CRYZL1: variants seen among roughly 807,000 people sequenced by gnomAD.
CRYZL1 encodes crystallin zeta like 1, also known as ferry endosomal RAB5 effector complex subunit 4.
A neutral mutation model predicts 50.6 loss-of-function variants in CRYZL1; 34 were observed. The ratio of observed to expected loss-of-function variants is 0.67; its 90% CI spans 0.51 to 0.89. The LOEUF (loss-of-function observed/expected upper bound fraction) is 0.89. Among genes scored for constraint, CRYZL1 ranks in the 40% least tolerant of loss-of-function variants. The pLI, the probability that CRYZL1 is intolerant of heterozygous loss-of-function variation, is 0.00. For missense variants in CRYZL1, 354 were observed against 402.3 expected (o/e 0.88, Z 1.03); for synonymous variants, 125 against 134.3 (o/e 0.93, Z 0.48).
intron 1 of CRYZL1, among the ~76,000 whole-genome samples, chr21:33,635,818 T>A (rs1369788232): frequency 3.3e-5 from 5 of 151,796 alleles, no homozygotes; most frequent in Admixed American, 1.3e-4. Flanking sequence ...CTGTCTCTAC[T>A]AAAAATACAA....
intron 2 of CRYZL1, among the ~76,000 whole-genome samples, chr21:33,629,749 C>CTAGGACTTCTATTATTATGTTGAA: frequency 6.6e-6 from 1 of 152,290 alleles, no homozygotes; most frequent in East Asian, 1.9e-4. Context: ...ATTGCTCTGG[C>CTAGGACTTCTATTATTATGTTGAA]TAGGACTTCT....
At chr21:33,624,341 G>C (rs2087035622) in intron 3 of CRYZL1, among the ~76,000 whole-genome samples, 1 of 152,202 alleles carries the variant, frequency 6.6e-6, no homozygotes, top group African/African-American at 2.4e-5. Flanking sequence ...GAGGTCAGGA[G>C]TTTGAGACCA....
At chr21:33,626,782 T>C (rs2087070257) in intron 2 of CRYZL1, among the ~76,000 whole-genome samples, 1 of 152,080 alleles carries the variant, frequency 6.6e-6, no homozygotes, top group Non-Finnish European at 1.5e-5. Flanking sequence ...CCTATATTAT[T>C]AAATACAGTA....
At chr21:33,603,175 T>C (rs1228678902) in intron 7 of CRYZL1, 1 of 470,808 alleles carries the variant, frequency 2.1e-6, no homozygotes, top group Non-Finnish European at 3.8e-6. Context: ...AAAAATGGCT[T>C]GTCTTTTTAA....
intron 6 of CRYZL1, among the ~76,000 whole-genome samples, chr21:33,603,892 C>T (rs2086782462): frequency 6.6e-6 from 1 of 152,254 alleles, no homozygotes; most frequent in Non-Finnish European, 1.5e-5. Flanking sequence ...TCTCTCCTCA[C>T]CAAAGGTCAC....
chr21:33,597,409 G>A lies in CRYZL1; in HGVS notation c.677-8C>T, dbSNP rs759247431. On this transcript the variant is annotated splice_polypyrimidine_tract_variant and splice_region_variant and intron_variant, in intron 9 of 12. Coordinates refer to ENST00000381554, the MANE Select transcript of CRYZL1 (RefSeq NM_145858.3). ...CTTTACTATATAATCTCACTTGCAA[G>A]GGAATAGTTTTAAAAAAAGAGAGAG... The A allele has an allele frequency of 1.3e-6, 2 of 1,553,170 alleles. No homozygotes were observed. The highest frequency in any genetic ancestry group is 1.8e-6 in the Non-Finnish European group (2 of 1,129,966).
At chr21:33,622,142 G>T in intron 3 of CRYZL1, 74 bp from the exon 4 acceptor site, 1 of 1,165,320 alleles carries the variant, frequency 8.6e-7, no homozygotes, top group Non-Finnish European at 1.3e-6. Flanking sequence ...TGAGGAAAGC[G>T]AGAGTAAAAG....
chr21:33,603,637 T>C (rs2086779893), intron 6 of CRYZL1, 100 bp from the exon 7 acceptor site: 2 of 1,324,588 alleles, frequency 1.5e-6, no homozygotes, highest in South Asian at 2.6e-5. Context: ...ATGGCCCTGG[T>C]CCAAGCCCCT....
chr21:33,605,527 A>ATTTTTTTTTTTTTTTTTT (rs1555904645), intron 6 of CRYZL1, among the ~76,000 whole-genome samples: 7 of 14,840 alleles, frequency 4.7e-4, no homozygotes, highest in South Asian at 3.5e-3. Context: ...CAGTACAAGA[A>ATTTTTTTTTTTTTTTTTT]TTCTTTTTTT....
chr21:33,641,299 G>T, intron 1 of CRYZL1: 2 of 1,549,044 alleles, frequency 1.3e-6, no homozygotes, highest in Non-Finnish European at 1.7e-6. Context: ...GAGGAAGAAA[G>T]AAGTGGCTGA....
intron 6 of CRYZL1, among the ~76,000 whole-genome samples, chr21:33,607,516 C>A (rs2086825839): frequency 6.6e-6 from 1 of 152,106 alleles, no homozygotes; most frequent in South Asian, 2.1e-4. Flanking sequence ...CCTATTGTCC[C>A]AGCTACTTGG....
chr21:33,615,142 TTTTC>T (rs201777704), intron 5 of CRYZL1, among the ~76,000 whole-genome samples: 15 of 140,598 alleles, frequency 1.1e-4, no homozygotes, highest in African/African-American at 1.3e-4. Context: ...TTTTTCTTTC[TTTTC>T]TTTCTCTCTT....
At chr21:33,636,055 A>T (rs974236519) in intron 1 of CRYZL1, among the ~76,000 whole-genome samples, 1 of 152,136 alleles carries the variant, frequency 6.6e-6, no homozygotes, top group African/African-American at 2.4e-5. Flanking sequence ...TGTAACTTCA[A>T]AATTATAAGT....
chr21:33,589,970 G>A (rs2086626008), intron 12 of CRYZL1, 49 bp from the exon 13 acceptor site: 1 of 1,077,064 alleles, frequency 9.3e-7, no homozygotes, highest in Admixed American at 2.1e-5. Flanking sequence ...AAGATAAGTA[G>A]AACAAACAGG....
chr21:33,621,857 A>G, intron 4 of CRYZL1, 139 bp downstream of exon 4: 1 of 536,260 alleles, frequency 1.9e-6, no homozygotes. Flanking sequence ...AAAAATAAAA[A>G]TAAAAAAGGA....
chr21:33,631,055 G>T (rs1355421920), intron 2 of CRYZL1, among the ~76,000 whole-genome samples: 1 of 152,184 alleles, frequency 6.6e-6, no homozygotes, highest in Non-Finnish European at 1.5e-5. Context: ...CAGGTAGATG[G>T]AAGGAATAGG....
intron 8 of CRYZL1, among the ~76,000 whole-genome samples, chr21:33,599,801 T>C (rs986310013): frequency 6.6e-6 from 1 of 152,002 alleles, no homozygotes; most frequent in Non-Finnish European, 1.5e-5. Flanking sequence ...ATGGCTATTT[T>C]TTTAATTTTT....
intron 10 of CRYZL1, among the ~76,000 whole-genome samples, chr21:33,596,730 A>C (rs1302450598): frequency 6.6e-6 from 1 of 152,152 alleles, no homozygotes; most frequent in Non-Finnish European, 1.5e-5. Flanking sequence ...CGTCATTGAA[A>C]GGATGTCTCT....
chr21:33,639,987 G>A (rs970170669), intron 1 of CRYZL1: 7 of 530,094 alleles, frequency 1.3e-5, no homozygotes, highest in South Asian at 2.4e-5. Flanking sequence ...CACCATGCCC[G>A]GCTAATTTCT....
Sources: allele counts gnomAD v4.1 joint callset (sites outside exome capture counted in the v4.1 genomes callset), GRCh38; gene constraint gnomAD v4.1.1; transcripts MANE v1.5; gene names NCBI Gene and HGNC (gene_info 2026-07-23, HGNC 2026-07-21).